HIF1A: variants seen among roughly 807,000 people sequenced by gnomAD.
HIF1A encodes hypoxia inducible factor 1 subunit alpha.
Under a neutral mutation model 92.7 loss-of-function variants are expected in HIF1A, and 24 were observed. That is an observed-to-expected ratio of 0.26 (90% CI 0.19 to 0.36). The LOEUF (loss-of-function observed/expected upper bound fraction) is 0.36. Ranked by LOEUF, HIF1A falls within the 10% of genes least tolerant of loss-of-function variation. The pLI is 1.00. For missense variants in HIF1A, 799 were observed against 998.5 expected, an observed-to-expected ratio of 0.80 and a Z score of 2.69; for synonymous variants, 319 against 338.7, an observed-to-expected ratio of 0.94 and a Z score of 0.64.
At chr14:61,696,377 T>C (rs1274268796) in intron 1 of HIF1A, among the ~76,000 whole-genome samples, 1 of 152,230 alleles carries the variant, frequency 6.6e-6, no homozygotes, top group Admixed American at 6.5e-5. Flanking sequence ...GGGACTCGCG[T>C]GGTCGGATGC....
At chr14:61,745,641 TAAA>T (rs753838832) in intron 13 of HIF1A, 47 bp from the exon 14 acceptor site, 2 of 1,434,166 alleles carry the variant, frequency 1.4e-6, no homozygotes, top group Admixed American at 3.8e-5. Flanking sequence ...TTTGGTTGTT[TAAA>T]AAAAAAATTC....
intron 1 of HIF1A, 89 bp downstream of exon 1, chr14:61,695,928 A>G: frequency 7.9e-7 from 1 of 1,261,972 alleles, no homozygotes; most frequent in Non-Finnish European, 1.1e-6. Context: ...CTCGGCGTTA[A>G]TGGGATTGGG....
In HIF1A at chr14:61,721,822, T is replaced by C; in HGVS notation, c.456T>C (p.Asn152=). The change falls in exon 4 of 15, where the codon AAT becomes AAC. Residue 152 remains asparagine, a splice_region_variant and synonymous_variant. Transcript: ENST00000337138. The part of the protein sequence containing the change: ...EEMREMLTHR[N]GLVKKGKEQN... ...TGAGAGAAATGCTTACACACAGAAATGGTAAGAAAAGTCTGTTGTTTGATT... is the reference window on the plus strand; with the variant it reads ...TGAGAGAAATGCTTACACACAGAAACGGTAAGAAAAGTCTGTTGTTTGATT... 1.9e-6 allele frequency: 3 copies of C among 1,605,674 alleles called. No individual in the cohort carries two copies. Among genetic ancestry groups the C allele is most frequent in the Non-Finnish European group, 2.6e-6 (3 of 1,172,592 alleles).
chr14:61,705,358 A>G (rs1186220232), intron 1 of HIF1A, among the ~76,000 whole-genome samples: 2 of 152,166 alleles, frequency 1.3e-5, no homozygotes, highest in Non-Finnish European at 2.9e-5. Context: ...CAATGCCACC[A>G]AAATGAAAAC....
chr14:61,702,053 T>TAAGTATTTGAATTAAC (rs1425451347), intron 1 of HIF1A, among the ~76,000 whole-genome samples: 13 of 152,152 alleles, frequency 8.5e-5, no homozygotes, highest in African/African-American at 3.1e-4. Flanking sequence ...GAGCTCTTAA[T>TAAGTATTTGAATTAAC]AAGTATTTGA....
intron 1 of HIF1A, among the ~76,000 whole-genome samples, chr14:61,708,227 C>T (rs1048885046): frequency 2.6e-5 from 4 of 151,864 alleles, no homozygotes; most frequent in African/African-American, 9.7e-5. Context: ...GAGTAGATTG[C>T]AAAAATTTTC....
intron 11 of HIF1A, 57 bp from the exon 12 acceptor site, chr14:61,740,698 G>GT (rs908218148): frequency 9.4e-5 from 146 of 1,546,128 alleles, no homozygotes; most frequent in Middle Eastern, 5.2e-4. Context: ...AGTTTCACTT[G>GT]TTTTTTATTT....
At chr14:61,725,008 T>C (rs2044485956) in intron 4 of HIF1A, among the ~76,000 whole-genome samples, 1 of 152,198 alleles carries the variant, frequency 6.6e-6, no homozygotes, top group African/African-American at 2.4e-5. Flanking sequence ...GACAAACTAC[T>C]ATATGCTGTT....
chr14:61,720,636 AT>A, intron 2 of HIF1A, 64 bp downstream of exon 2: 1 of 1,057,978 alleles, frequency 9.5e-7, no homozygotes, highest in African/African-American at 1.6e-5. Context: ...AATAGAAATT[AT>A]TTTTAGAAGG....
intron 1 of HIF1A, among the ~76,000 whole-genome samples, chr14:61,716,599 A>AT (rs1031280994): frequency 4.0e-5 from 6 of 151,170 alleles, no homozygotes; most frequent in Admixed American, 6.6e-5. Flanking sequence ...GTGTCCTTTT[A>AT]TTTTTTTTTA....
Position 61,721,842 on chromosome 14 carries a change from T to A in HIF1A, c.457+19T>A. The A allele has an allele frequency of 6.4e-7, 1 of 1,563,596 alleles. No homozygotes were observed. Among genetic ancestry groups the A allele is most frequent in the Non-Finnish European group, 8.8e-7 (1 of 1,134,608 alleles). On this transcript the variant is annotated intron_variant, in intron 4 of 14. Transcript: ENST00000337138. Reference sequence around the variant, plus strand: ...AGAAATGGTAAGAAAAGTCTGTTGTTTGATTTAATGTGACAGGTGGTTTTA... The same window carrying A: ...AGAAATGGTAAGAAAAGTCTGTTGTATGATTTAATGTGACAGGTGGTTTTA...
At chr14:61,701,798 G>C (rs949232889) in intron 1 of HIF1A, among the ~76,000 whole-genome samples, 4 of 151,048 alleles carry the variant, frequency 2.6e-5, no homozygotes, top group African/African-American at 9.7e-5. Context: ...GACCAGCCTG[G>C]CCAACATGGT....
At chr14:61,731,069 C>A (rs961379114) in intron 6 of HIF1A, among the ~76,000 whole-genome samples, 3 of 152,022 alleles carry the variant, frequency 2.0e-5, no homozygotes, top group African/African-American at 7.2e-5. Flanking sequence ...TTGTAATAAA[C>A]TATGGAAGAT....
At position 61,740,895 on chromosome 14, in the gene HIF1A, A is replaced by C; in HGVS notation, c.1800A>C (p.Thr600=). 1.2e-6 allele frequency: 2 copies of C among 1,614,244 alleles called. No homozygotes were observed. Among genetic ancestry groups the C allele is most frequent in the Non-Finnish European group, 1.7e-6 (2 of 1,180,042 alleles). The part of the protein sequence containing the change: ...PESASPQSTV[T]VFQQTQIQEP... Reference sequence around the variant, plus strand: ...GCGCAAGTCCTCAAAGCACAGTTACAGTATTCCAGCAGACTCAAATACAAG... The same window carrying C: ...GCGCAAGTCCTCAAAGCACAGTTACCGTATTCCAGCAGACTCAAATACAAG... The change falls in exon 12 of 15, where the codon ACA becomes ACC. Residue 600 remains threonine, a synonymous_variant. Transcript: ENST00000337138.
At chr14:61,707,876 C>A (rs1054647422) in intron 1 of HIF1A, among the ~76,000 whole-genome samples, 2 of 151,904 alleles carry the variant, frequency 1.3e-5, no homozygotes, top group African/African-American at 4.8e-5. Context: ...CCTGAGGAAT[C>A]GCCACACTGA....
At chr14:61,728,447 T>C (rs2044534695) in intron 6 of HIF1A, among the ~76,000 whole-genome samples, 1 of 152,220 alleles carries the variant, frequency 6.6e-6, no homozygotes, top group African/African-American at 2.4e-5. Context: ...TATTCTTCTG[T>C]ATTGTAAACT....
chr14:61,744,736 A>G lies in HIF1A; in HGVS notation c.2125A>G (p.Lys709Glu), dbSNP rs2044756145. 3 of 1,588,920 alleles carry G rather than the reference A, an allele frequency of 1.9e-6. No individual in the cohort carries two copies. The highest frequency in any genetic ancestry group is 2.6e-6 in the Non-Finnish European group (3 of 1,161,808). ...AGTTCCTGAGGAAGAACTAAATCCA[A>G]AGATACTAGCTTTGCAGAATGCTCA... is the stretch of plus-strand genomic sequence containing the variant. ...TTVPEEELNP[K>E]ILALQNAQRK... The change falls in exon 13 of 15, where the codon AAG becomes GAG. Residue 709 changes from lysine to glutamate, a missense_variant. Physicochemically the swap from Lys to Glu is moderately conservative, Grantham distance 56. Transcript: ENST00000337138.
intron 8 of HIF1A, among the ~76,000 whole-genome samples, chr14:61,735,348 T>C (rs930208503): frequency 1.3e-5 from 2 of 152,192 alleles, no homozygotes; most frequent in African/African-American, 4.8e-5. Flanking sequence ...GACACCATCC[T>C]TTAATGTTTT....
At chr14:61,714,333 T>G (rs1231137302) in intron 1 of HIF1A, among the ~76,000 whole-genome samples, 1 of 152,230 alleles carries the variant, frequency 6.6e-6, no homozygotes. Flanking sequence ...TGAGATGTTG[T>G]TTTAGTAAGT....
Sources: allele counts gnomAD v4.1 joint callset (sites outside exome capture counted in the v4.1 genomes callset), GRCh38; gene constraint gnomAD v4.1.1; transcripts MANE v1.5; gene names NCBI Gene and HGNC (gene_info 2026-07-23, HGNC 2026-07-21).